Variants in ARHGAP10 observed in about 807,000 individuals in gnomAD.
ARHGAP10 encodes rho GTPase-activating protein 10.
A neutral mutation model predicts 108.6 loss-of-function variants in ARHGAP10; 87 were observed. That is an observed-to-expected ratio of 0.80 (90% CI 0.67 to 0.96). The LOEUF is 0.96. ARHGAP10 is among the 40% of genes least tolerant of loss of function. The probability of loss-of-function intolerance (pLI) is 0.00; values close to 1 mark genes in which losing one functional copy is unlikely to be tolerated. For synonymous variants in ARHGAP10, 347 were observed against 341.1 expected (o/e 1.02, Z -0.19); for missense variants, 939 against 954.5 (o/e 0.98, Z 0.21).
At chr4:147,971,919 C>T (rs1421408237) in intron 18 of ARHGAP10, among the ~76,000 whole-genome samples, 1 of 151,938 alleles carries the variant, frequency 6.6e-6, no homozygotes, top group Non-Finnish European at 1.5e-5. Context: ...CCAGGGTGGA[C>T]AGCATCATTT....
At chr4:147,868,401 T>C (rs955168989) in intron 7 of ARHGAP10, among the ~76,000 whole-genome samples, 2 of 152,084 alleles carry the variant, frequency 1.3e-5, no homozygotes, top group Non-Finnish European at 2.9e-5. Flanking sequence ...CACACCCAGC[T>C]AATTTTTTTT....
At chr4:147,989,630 T>C (rs908954643) in intron 18 of ARHGAP10, among the ~76,000 whole-genome samples, 10 of 152,248 alleles carry the variant, frequency 6.6e-5, no homozygotes, top group African/African-American at 2.4e-4. Flanking sequence ...GGCTCTGTTC[T>C]GCCCAGCTCA....
intron 10 of ARHGAP10, among the ~76,000 whole-genome samples, 158 bp from the exon 11 acceptor site, chr4:147,906,480 A>C (rs1360503193): frequency 6.6e-6 from 1 of 152,134 alleles, no homozygotes; most frequent in Non-Finnish European, 1.5e-5. Flanking sequence ...ATGCCATTGA[A>C]CTCTACACTT....
chr4:148,055,285 G>T (rs572636487), intron 20 of ARHGAP10, among the ~76,000 whole-genome samples: 1 of 152,316 alleles, frequency 6.6e-6, no homozygotes, highest in Non-Finnish European at 1.5e-5. Flanking sequence ...CCTCAGGATC[G>T]CACAGGCTGA....
At chr4:147,993,665 C>T (rs1740362993) in intron 18 of ARHGAP10, among the ~76,000 whole-genome samples, 1 of 152,172 alleles carries the variant, frequency 6.6e-6, no homozygotes, top group South Asian at 2.1e-4. Flanking sequence ...TTGTTCAAAG[C>T]CAGGTTAACA....
intron 1 of ARHGAP10, among the ~76,000 whole-genome samples, chr4:147,804,380 A>G (rs1056277510): frequency 2.4e-4 from 37 of 152,090 alleles, no homozygotes; most frequent in African/African-American, 8.0e-4. Flanking sequence ...TATGTACCAC[A>G]TTTTCTTTAT....
intron 3 of ARHGAP10, among the ~76,000 whole-genome samples, chr4:147,823,403 G>A (rs777289554): frequency 2.2e-4 from 33 of 152,102 alleles, no homozygotes; most frequent in Non-Finnish European, 4.1e-4. Context: ...GAGAACTTGG[G>A]CCTTGGAGGT....
At chr4:148,002,807 C>T (rs1420978038) in intron 18 of ARHGAP10, among the ~76,000 whole-genome samples, 1 of 151,954 alleles carries the variant, frequency 6.6e-6, no homozygotes, top group Non-Finnish European at 1.5e-5. Flanking sequence ...TTTCTCTTTT[C>T]TTCTTTATTA....
At chr4:148,038,949 T>TAGTGTTATTTTTGAAAC (rs985232014) in intron 19 of ARHGAP10, among the ~76,000 whole-genome samples, 1 of 152,204 alleles carries the variant, frequency 6.6e-6, no homozygotes, top group African/African-American at 2.4e-5. Flanking sequence ...TTTTGAAACT[T>TAGTGTTATTTTTGAAAC]AGTGTTATTT....
chr4:148,057,280 C>T (rs1729406636), intron 20 of ARHGAP10, among the ~76,000 whole-genome samples: 2 of 152,190 alleles, frequency 1.3e-5, no homozygotes, highest in Admixed American at 6.5e-5. Context: ...TGCGTACAAT[C>T]CTTCAATGGC....
At chr4:147,802,821 T>G (rs1156283089) in intron 1 of ARHGAP10, among the ~76,000 whole-genome samples, 1 of 152,240 alleles carries the variant, frequency 6.6e-6, no homozygotes, top group African/African-American at 2.4e-5. Flanking sequence ...CTCCTTATCC[T>G]GCTGTTTTCT....
At chr4:147,800,775 T>C (rs1731548262) in intron 1 of ARHGAP10, among the ~76,000 whole-genome samples, 1 of 152,186 alleles carries the variant, frequency 6.6e-6, no homozygotes, top group Non-Finnish European at 1.5e-5. Context: ...AGAGACATAG[T>C]TTTCTATGCT....
intron 1 of ARHGAP10, among the ~76,000 whole-genome samples, chr4:147,822,336 A>G (rs1732534706): frequency 6.6e-6 from 1 of 152,244 alleles, no homozygotes; most frequent in African/African-American, 2.4e-5. Flanking sequence ...GCAGGCAGCC[A>G]GATTGCATCA....
intron 18 of ARHGAP10, among the ~76,000 whole-genome samples, chr4:147,973,231 G>A (rs1739477614): frequency 6.6e-6 from 1 of 152,196 alleles, no homozygotes; most frequent in Non-Finnish European, 1.5e-5. Context: ...GACAGAGCAG[G>A]ACCACTAGTG....
At chr4:147,864,360 T>C (rs4835465) in intron 5 of ARHGAP10, 145,429 of 153,192 alleles carry the variant, frequency 0.95, 69,425 homozygotes, top group Non-Finnish European at 1. Flanking sequence ...TCCTTCTCAC[T>C]TGCCGCCATC....
rs552141363 is a variant in ARHGAP10 at position 147,957,358 on chromosome 4, G to T, written c.1450+1984G>T. Among the ~76,000 whole-genome samples the T allele has an allele frequency of 2.0e-5, 3 of 152,290 alleles. No individual in the cohort carries two copies. In the South Asian group the frequency reaches 6.2e-4, roughly 32 times the overall value. On this transcript the variant is annotated intron_variant, in intron 16 of 22. Transcript: ENST00000336498. ...CTGCACTCATTGCCTCTTTTAGAGA[G>T]TGTGGGAACAGATCTCCTAATCTTT...
At chr4:147,905,551 G>A (rs1365087768) in intron 10 of ARHGAP10, among the ~76,000 whole-genome samples, 57 of 116,442 alleles carry the variant, frequency 4.9e-4, no homozygotes, top group African/African-American at 1.4e-3. Context: ...GTAGATATGC[G>A]GCGTTATTTC....
intron 1 of ARHGAP10, among the ~76,000 whole-genome samples, chr4:147,737,809 TCACTG>T (rs1431331459): frequency 6.6e-6 from 1 of 152,198 alleles, no homozygotes; most frequent in Non-Finnish European, 1.5e-5. Context: ...AATGCTTTAC[TCACTG>T]CAGGTGGTCT....
chr4:147,780,795 G>T (rs1730498901), intron 1 of ARHGAP10, among the ~76,000 whole-genome samples: 1 of 152,164 alleles, frequency 6.6e-6, no homozygotes. Context: ...ACACAGCAGG[G>T]TGAGCAGGTA....
Sources: gnomAD v4.1 joint callset for allele counts (sites outside exome capture counted in the v4.1 genomes callset) on GRCh38, gnomAD v4.1.1 for gene constraint, MANE v1.5 for transcripts, NCBI Gene and HGNC (gene_info 2026-07-23, HGNC 2026-07-21) for gene names.